The following MAGI2 variants were observed in gnomAD, a reference collection of about 807,000 sequenced individuals.
MAGI2 encodes the protein membrane associated guanylate kinase, WW and PDZ domain containing 2, also known as membrane-associated guanylate kinase, WW and PDZ domain-containing protein 2.
MAGI2 carries 35 observed loss-of-function variants against 133.3 expected under a neutral mutation model. That is an observed-to-expected ratio of 0.26 (90% CI 0.20 to 0.35). The LOEUF (loss-of-function observed/expected upper bound fraction) is 0.35. MAGI2 is among the 10% of genes least tolerant of loss of function. MAGI2 has a pLI of 1.00. For missense variants in MAGI2, 1,636 were observed against 1,863.4 expected, an observed-to-expected ratio of 0.88 and a Z score of 2.25; for synonymous variants, 729 against 710.6, an observed-to-expected ratio of 1.03 and a Z score of -0.41.
At chr7:78,317,216 T>C (rs1787506815) in intron 9 of MAGI2, among the ~76,000 whole-genome samples, 1 of 152,246 alleles carries the variant, frequency 6.6e-6, no homozygotes, top group African/African-American at 2.4e-5. Context: ...TTCTTGAGTA[T>C]TGAGTGAGAA....
intron 4 of MAGI2, among the ~76,000 whole-genome samples, chr7:78,503,750 C>T (rs1180848310): frequency 6.8e-6 from 1 of 148,122 alleles, no homozygotes; most frequent in African/African-American, 2.5e-5. Context: ...CTCAGAAGTA[C>T]TTGGGTATTT....
chr7:78,900,986 G>A lies in MAGI2; in HGVS notation c.418+106104C>T, dbSNP rs17151635. ...ACCAATTAGCTTCACAACAGATGGC[G>A]AACCTAAAGCCAAGCAGCCATCTTG... On this transcript the variant is annotated intron_variant, in intron 2 of 21. Transcript: ENST00000354212. 0.022 allele frequency among the ~76,000 whole-genome samples: 3,422 copies of A among 152,170 alleles called. 216 individuals are homozygous for A. The East Asian group carries it at 0.23, about 10-fold the overall frequency.
chr7:78,891,906 G>A (rs1450013260), intron 2 of MAGI2, among the ~76,000 whole-genome samples: 4 of 152,110 alleles, frequency 2.6e-5, no homozygotes, highest in Non-Finnish European at 4.4e-5. Context: ...AAGAAATAAA[G>A]GGTATTCAAT....
chr7:78,282,471 C>CAG (rs1244275270), intron 9 of MAGI2, among the ~76,000 whole-genome samples: 2 of 152,116 alleles, frequency 1.3e-5, no homozygotes, highest in African/African-American at 4.8e-5. Flanking sequence ...GCTACAACAG[C>CAG]AGAGTTGAAA....
intron 16 of MAGI2, among the ~76,000 whole-genome samples, chr7:78,138,792 A>C (rs1822445833): frequency 6.6e-6 from 1 of 152,192 alleles, no homozygotes; most frequent in Non-Finnish European, 1.5e-5. Flanking sequence ...AAAGTATAAT[A>C]ATCATGCTAA....
In MAGI2 at chr7:78,107,334, T is replaced by C. The variant is rs192455266; in HGVS notation, c.3567+18360A>G. ...CAGGATGGCTTTTGCCTACTCTAGG[T>C]CTTTTGTGATTCAGTATAAATATAG... is the stretch of plus-strand genomic sequence containing the variant. On this transcript the variant is annotated intron_variant, in intron 20 of 21. Coordinates refer to ENST00000354212, the MANE Select transcript of MAGI2 (RefSeq NM_012301.4). Among the ~76,000 whole-genome samples the C allele has an allele frequency of 3.0e-3, 454 of 152,272 alleles. 2 individuals carry two copies. Among genetic ancestry groups the C allele is most frequent in the African/African-American group, 0.01 (434 of 41,574 alleles).
At chr7:79,090,044 TAGA>T in intron 1 of MAGI2, among the ~76,000 whole-genome samples, 1 of 151,738 alleles carries the variant, frequency 6.6e-6, no homozygotes, top group African/African-American at 2.4e-5. Context: ...AATTAAAAAA[TAGA>T]AGATTTTTAT....
intron 2 of MAGI2, among the ~76,000 whole-genome samples, chr7:78,719,373 GAA>G (rs76734080): frequency 0.062 from 9,366 of 151,774 alleles, 513 homozygotes; most frequent in East Asian, 0.2. Context: ...AAAAAATAAA[GAA>G]AAAAAATCCA....
chr7:79,144,821 T>C (rs1414425788), intron 1 of MAGI2, among the ~76,000 whole-genome samples: 1 of 152,186 alleles, frequency 6.6e-6, no homozygotes, highest in African/African-American at 2.4e-5. Context: ...CGTTTAAAAT[T>C]TCTATGGAAT....
chr7:78,822,561 T>C (rs1463924208), intron 2 of MAGI2, among the ~76,000 whole-genome samples: 2 of 152,170 alleles, frequency 1.3e-5, no homozygotes, highest in East Asian at 3.8e-4. Context: ...TTCAATAGTT[T>C]TGTTTAACAG....
rs551736153 is a variant in MAGI2, at chr7:78,896,627, G to A, written c.418+110463C>T. Among the ~76,000 whole-genome samples the A allele has an allele frequency of 1.5e-4, 23 of 151,586 alleles. 1 individual carries two copies. Among genetic ancestry groups the A allele is most frequent in the East Asian group, 1.2e-3 (6 of 5,160 alleles). ...CTGTCACCCAGGCTGGAGTGCAGTC[G>A]TGCAATCTCGGCTCACTGCAACCTC... On this transcript the variant is annotated intron_variant, in intron 2 of 21. Coordinates refer to ENST00000354212, the MANE Select transcript of MAGI2 (RefSeq NM_012301.4).
At chr7:79,355,113 T>C (rs1428095079) in intron 1 of MAGI2, among the ~76,000 whole-genome samples, 3 of 152,208 alleles carry the variant, frequency 2.0e-5, no homozygotes. Context: ...CCTCTCACTG[T>C]GGGTGATACT....
chr7:78,966,421 C>T (rs976997682), intron 2 of MAGI2, among the ~76,000 whole-genome samples: 1 of 152,068 alleles, frequency 6.6e-6, no homozygotes, highest in African/African-American at 2.4e-5. Context: ...TAAGTGAAAT[C>T]ATGCAGCATT....
At chr7:78,328,949 C>T (rs1788885585) in intron 9 of MAGI2, among the ~76,000 whole-genome samples, 1 of 152,058 alleles carries the variant, frequency 6.6e-6, no homozygotes, top group South Asian at 2.1e-4. Context: ...GGTTATTAAC[C>T]TTGGCTTGAC....
intron 1 of MAGI2, among the ~76,000 whole-genome samples, chr7:79,386,439 C>T (rs1002330769): frequency 1.3e-5 from 2 of 151,898 alleles, no homozygotes; most frequent in Admixed American, 6.6e-5. Flanking sequence ...AAAACAGAGA[C>T]ATTTTGGCTG....
At chr7:78,099,680 T>C (rs1818028777) in intron 20 of MAGI2, among the ~76,000 whole-genome samples, 1 of 152,234 alleles carries the variant, frequency 6.6e-6, no homozygotes, top group South Asian at 2.1e-4. Context: ...AATACCTTTG[T>C]TAGCATAGAA....
chr7:78,020,599 T>C (rs73703869), intron 21 of MAGI2, among the ~76,000 whole-genome samples: 4,971 of 152,072 alleles, frequency 0.033, 261 homozygotes, highest in African/African-American at 0.11. Flanking sequence ...TGCATAAATC[T>C]CATAATCTTT....
intron 3 of MAGI2, among the ~76,000 whole-genome samples, chr7:78,593,228 T>C (rs1386517031): frequency 1.3e-5 from 2 of 151,690 alleles, no homozygotes; most frequent in South Asian, 2.1e-4. Flanking sequence ...CTGTCTCTAC[T>C]AAAAATACAA....
chr7:78,176,432 C>T (rs1213534491), intron 14 of MAGI2, among the ~76,000 whole-genome samples: 2 of 152,078 alleles, frequency 1.3e-5, no homozygotes, highest in Non-Finnish European at 2.9e-5. Context: ...ATAAGCTCAG[C>T]TTCCTGGGGT....
Sources: allele counts gnomAD v4.1 joint callset (sites outside exome capture counted in the v4.1 genomes callset), GRCh38; gene constraint gnomAD v4.1.1; transcripts MANE v1.5; gene names NCBI Gene and HGNC (gene_info 2026-07-23, HGNC 2026-07-21).